LZTS1: variants seen among roughly 807,000 people sequenced by gnomAD.
The protein encoded by LZTS1 is leucine zipper tumor suppressor 1.
A neutral mutation model predicts 45.8 loss-of-function variants in LZTS1; 31 were observed. That is an observed-to-expected ratio of 0.68 (90% CI 0.51 to 0.91). The LOEUF (loss-of-function observed/expected upper bound fraction) is 0.91, where lower values mean the gene tolerates loss of function less well. LZTS1 is among the 40% of genes least tolerant of loss of function. LZTS1 has a pLI of 0.00. For synonymous variants in LZTS1, 359 were observed against 357.3 expected (o/e 1.00, Z -0.05); for missense variants, 821 against 788.9 (o/e 1.04, Z -0.49).
intron 1 of LZTS1, among the ~76,000 whole-genome samples, chr8:20,297,626 G>C (rs553351519): frequency 6.6e-6 from 1 of 152,138 alleles, no homozygotes; most frequent in Non-Finnish European, 1.5e-5. Context: ...ATGTTGACCA[G>C]GCTTGTCTGG....
At chr8:20,286,252 C>A (rs62499991) in intron 1 of LZTS1, among the ~76,000 whole-genome samples, 20,959 of 152,186 alleles carry the variant, frequency 0.14, 1,975 homozygotes, top group East Asian at 0.38. Context: ...TGACAAAGTA[C>A]TCATATCAGA....
intron 1 of LZTS1, among the ~76,000 whole-genome samples, chr8:20,258,680 A>G (rs1464915373): frequency 6.6e-6 from 1 of 152,228 alleles, no homozygotes; most frequent in Non-Finnish European, 1.5e-5. Context: ...CCACCATAAG[A>G]TAACAGCTCT....
chr8:20,294,604 G>T (rs368350797), intron 1 of LZTS1, among the ~76,000 whole-genome samples: 3 of 152,146 alleles, frequency 2.0e-5, no homozygotes, highest in Admixed American at 6.5e-5. Flanking sequence ...AGGCAAGGAG[G>T]GGGAGGCTGT....
chr8:20,275,523 C>T (rs1434341792), intron 1 of LZTS1, among the ~76,000 whole-genome samples: 1 of 151,664 alleles, frequency 6.6e-6, no homozygotes, highest in East Asian at 1.9e-4. Context: ...GGGGAAGGGC[C>T]TAAGCAGGAG....
At chr8:20,260,487 C>T (rs868707867) in intron 1 of LZTS1, among the ~76,000 whole-genome samples, 5 of 152,262 alleles carry the variant, frequency 3.3e-5, no homozygotes, top group Admixed American at 1.3e-4. Context: ...CCAAATGCCA[C>T]AATCTCCATG....
intron 1 of LZTS1, among the ~76,000 whole-genome samples, chr8:20,274,014 G>C (rs116349308): frequency 6.6e-6 from 1 of 151,902 alleles, no homozygotes; most frequent in Admixed American, 6.6e-5. Context: ...GTTTTCCCAC[G>C]CTGCTCCCTA....
intron 1 of LZTS1, among the ~76,000 whole-genome samples, chr8:20,300,452 C>A (rs930672803): frequency 3.3e-5 from 5 of 152,038 alleles, no homozygotes; most frequent in Non-Finnish European, 5.9e-5. Context: ...CCTGCCTCAG[C>A]CTCCCAAGTA....
intron 1 of LZTS1, among the ~76,000 whole-genome samples, chr8:20,270,968 C>A (rs1800461349): frequency 1.3e-5 from 2 of 152,038 alleles, no homozygotes; most frequent in African/African-American, 4.8e-5. Context: ...ACTTTGGGTG[C>A]TGGAAATGAC....
At chr8:20,297,486 C>T (rs1800995978) in intron 1 of LZTS1, among the ~76,000 whole-genome samples, 1 of 152,206 alleles carries the variant, frequency 6.6e-6, no homozygotes, top group African/African-American at 2.4e-5. Context: ...GCGATCTCAG[C>T]TCACTATAAC....
chr8:20,275,404 CAAA>C (rs55847914), intron 1 of LZTS1, among the ~76,000 whole-genome samples: 52 of 113,580 alleles, frequency 4.6e-4, no homozygotes, highest in Admixed American at 4.7e-4. Flanking sequence ...GACTTCATCT[CAAA>C]AAAAAAAAAA....
In LZTS1 at chr8:20,249,601, G is replaced by T; in HGVS notation, c.*121C>A. On this transcript the variant is annotated 3_prime_UTR_variant, in exon 4 of 4. Coordinates refer to ENST00000381569, the MANE Select transcript of LZTS1 (RefSeq NM_021020.5). ...ATCCTGCCCTCCCCTCGGGGGTCCT[G>T]GGTCTGTGTCCCAGGGAGTGGCGTC... The T allele has an allele frequency of 7.8e-7, 1 of 1,274,172 alleles. No individual in the cohort carries two copies. The highest frequency in any genetic ancestry group is 2.4e-5 in the East Asian group (1 of 41,064). 78.9% of individuals were successfully genotyped at this position (1,274,172 alleles called of 1,614,324 possible).
At chr8:20,256,905 A>T (rs968688247) in intron 1 of LZTS1, among the ~76,000 whole-genome samples, 1 of 152,270 alleles carries the variant, frequency 6.6e-6, no homozygotes, top group African/African-American at 2.4e-5. Flanking sequence ...GCAGAAAGAC[A>T]AGAGAGGCCT....
intron 1 of LZTS1, among the ~76,000 whole-genome samples, chr8:20,272,676 T>A (rs1431547195): frequency 6.6e-6 from 1 of 152,190 alleles, no homozygotes; most frequent in East Asian, 1.9e-4. Context: ...CAGAGATAAG[T>A]AGAATCATTG....
At chr8:20,275,733 A>T (rs1800567719) in intron 1 of LZTS1, 1 of 152,482 alleles carries the variant, frequency 6.6e-6, no homozygotes, top group Non-Finnish European at 1.5e-5. Flanking sequence ...GTGACTGGGC[A>T]GAGAGAAGGG....
chr8:20,286,297 A>G (rs1800790904), intron 1 of LZTS1, among the ~76,000 whole-genome samples: 1 of 152,256 alleles, frequency 6.6e-6, no homozygotes, highest in Admixed American at 6.5e-5. Flanking sequence ...CTCTAATAGA[A>G]AAACAGAAAC....
rs142213498 is a variant in LZTS1, at chr8:20,292,988, C to T, written c.-135+10752G>A. On this transcript the variant is annotated intron_variant, in intron 1 of 3. Coordinates refer to ENST00000381569, the MANE Select transcript of LZTS1 (RefSeq NM_021020.5). The stretch of plus-strand genomic sequence containing the variant: ...CCATGTGTCCCATTAAATAAATAAT[C>T]CTGGACCCAGCATCTTGACCTTGGA... Among the ~76,000 whole-genome samples, 466 of 152,176 alleles carry T rather than the reference C, an allele frequency of 3.1e-3. 2 individuals are homozygous for T. Among genetic ancestry groups the T allele is most frequent in the African/African-American group, 0.011 (445 of 41,538 alleles).
chr8:20,248,013 G>T lies in LZTS1; in HGVS notation c.*1709C>A, dbSNP rs140008444. 13 of 152,730 alleles carry T rather than the reference G, an allele frequency of 8.5e-5. No individual in the cohort carries two copies. Among genetic ancestry groups the T allele is most frequent in the Middle Eastern group, 3.4e-3 (1 of 294 alleles). 9.5% of individuals were successfully genotyped at this position (152,730 alleles called of 1,614,324 possible). On this transcript the variant is annotated 3_prime_UTR_variant, in exon 4 of 4. Transcript: ENST00000381569. ...AAGACAAGAAAGCAAAAAAGAAAAA[G>T]AAAGAAGAATAAAAGAAAAATCTGG...
At chr8:20,301,120 C>CA (rs71222143) in intron 1 of LZTS1, among the ~76,000 whole-genome samples, 13,563 of 105,640 alleles carry the variant, frequency 0.13, 1,085 homozygotes, top group African/African-American at 0.21. Context: ...GACTCCGTCT[C>CA]AAAAAAAAAA....
At chr8:20,296,285 C>T (rs1800977913) in intron 1 of LZTS1, among the ~76,000 whole-genome samples, 1 of 152,206 alleles carries the variant, frequency 6.6e-6, no homozygotes, top group African/African-American at 2.4e-5. Flanking sequence ...GATTCATGCA[C>T]AGGAATGGGA....
Sources: gnomAD v4.1 joint callset for allele counts (sites outside exome capture counted in the v4.1 genomes callset) on GRCh38, gnomAD v4.1.1 for gene constraint, MANE v1.5 for transcripts, NCBI Gene and HGNC (gene_info 2026-07-23, HGNC 2026-07-21) for gene names.